KIRREL3: variants seen among roughly 807,000 people sequenced by gnomAD.
The protein encoded by KIRREL3 is kin of IRRE-like protein 3.
In KIRREL3, 36 loss-of-function variants were observed where a neutral mutation model predicts 89.7. The ratio of observed to expected loss-of-function variants is 0.40; its 90% CI spans 0.31 to 0.53. The LOEUF is 0.53. Ranked by LOEUF, KIRREL3 falls within the 20% of genes least tolerant of loss-of-function variation. KIRREL3 has a pLI of 0.49. For missense variants in KIRREL3, 864 were observed against 1,056.6 expected, an observed-to-expected ratio of 0.82 and a Z score of 2.53; for synonymous variants, 445 against 441.4, an observed-to-expected ratio of 1.01 and a Z score of -0.10.
At position 126,729,937 on chromosome 11, in the gene KIRREL3, T is replaced by A. The variant is rs1269916485; in HGVS notation, c.56-167025A>T. On this transcript the variant is annotated intron_variant, in intron 1 of 16. Transcript: ENST00000525144. This position sits in a 1 kb window ranked among gnomAD's most constrained non-coding sequence, Gnocchi z 4.5. ...TTTTCTGCCCTTCCCTTCCTTGACATTTCTGTGACATTTGGCTCTGTGACG... is the reference window on the plus strand; with the variant it reads ...TTTTCTGCCCTTCCCTTCCTTGACAATTCTGTGACATTTGGCTCTGTGACG... 6.6e-6 allele frequency among the ~76,000 whole-genome samples: 1 copy of A among 152,194 alleles called. No homozygotes were observed. Among genetic ancestry groups the A allele is most frequent in the Non-Finnish European group, 1.5e-5 (1 of 68,036 alleles).
At chr11:126,838,810 C>T (rs1192293145) in intron 1 of KIRREL3, among the ~76,000 whole-genome samples, 1 of 152,064 alleles carries the variant, frequency 6.6e-6, no homozygotes. Flanking sequence ...AATATATGAT[C>T]CATAAATAAA....
chr11:126,444,451 C>T (rs1025705794), intron 10 of KIRREL3, among the ~76,000 whole-genome samples: 2 of 152,300 alleles, frequency 1.3e-5, no homozygotes, highest in African/African-American at 4.8e-5. Flanking sequence ...ATGGTGAAAC[C>T]CTGTCTCTAC....
intron 1 of KIRREL3, among the ~76,000 whole-genome samples, chr11:126,707,380 A>G (rs1947573382): frequency 6.6e-6 from 1 of 151,778 alleles, no homozygotes; most frequent in Admixed American, 6.6e-5. Flanking sequence ...AGGGGTGAGG[A>G]AGGGATCCTG....
chr11:126,893,081 G>A (rs1945990968), intron 1 of KIRREL3, among the ~76,000 whole-genome samples: 1 of 152,208 alleles, frequency 6.6e-6, no homozygotes, highest in African/African-American at 2.4e-5. Flanking sequence ...TACAGGAGAA[G>A]AACAGTGTTC....
rs1958604109 is a variant in KIRREL3, at chr11:126,521,766, A to C, written c.284-302T>G. ...TTTGGTCTGTTTGTTAGTTTTTGAG[A>C]CAGGGTCTTGCTCTGTCACTCAGAT... On this transcript the variant is annotated intron_variant, in intron 3 of 16. Coordinates refer to ENST00000525144, the MANE Select transcript of KIRREL3 (RefSeq NM_032531.4). The surrounding 1 kb of genome is among the most constrained non-coding windows in gnomAD (Gnocchi z 4.1). Among the ~76,000 whole-genome samples the C allele has an allele frequency of 6.6e-6, 1 of 150,890 alleles. No homozygotes were observed.
chr11:126,705,662 G>C lies in KIRREL3; in HGVS notation c.56-142750C>G, dbSNP rs1400725982. Among the ~76,000 whole-genome samples, 2 of 152,172 alleles carry C rather than the reference G, an allele frequency of 1.3e-5. No individual in the cohort carries two copies. The highest frequency in any genetic ancestry group is 2.9e-5 in the Non-Finnish European group (2 of 68,048). ...AAGAATGGTCTAACACTACGTATGT[G>C]CAAGTGTATATGTATATGTAATGTA... On this transcript the variant is annotated intron_variant, in intron 1 of 16. Coordinates refer to ENST00000525144, the MANE Select transcript of KIRREL3 (RefSeq NM_032531.4). This position sits in a 1 kb window ranked among gnomAD's most constrained non-coding sequence, Gnocchi z 4.3.
chr11:126,691,856 G>A (rs1946889349), intron 1 of KIRREL3, among the ~76,000 whole-genome samples: 3 of 152,156 alleles, frequency 2.0e-5, no homozygotes, highest in Non-Finnish European at 4.4e-5. Context: ...AATGGGAAAA[G>A]GACTTGAATA....
intron 6 of KIRREL3, among the ~76,000 whole-genome samples, chr11:126,458,375 T>G (rs1278462539): frequency 6.6e-6 from 1 of 152,146 alleles, no homozygotes; most frequent in Admixed American, 6.5e-5. Context: ...TGGGCTCTGG[T>G]TGGGACTACG....
rs539542755 is a variant in KIRREL3 at position 126,642,809 on chromosome 11, A to G, written c.56-79897T>C. Reference sequence around the variant, plus strand: ...GTCCCTTCAAGGGTTATGATTTTGTATGTGCAAAATTCTGAACTGTACATC... The same window carrying G: ...GTCCCTTCAAGGGTTATGATTTTGTGTGTGCAAAATTCTGAACTGTACATC... On this transcript the variant is annotated intron_variant, in intron 1 of 16. Coordinates refer to ENST00000525144, the MANE Select transcript of KIRREL3 (RefSeq NM_032531.4). The surrounding 1 kb of genome is among the most constrained non-coding windows in gnomAD (Gnocchi z 4.9). Among the ~76,000 whole-genome samples, 2 of 152,212 alleles carry G rather than the reference A, an allele frequency of 1.3e-5. No individual in the cohort carries two copies. The highest frequency in any genetic ancestry group is 2.9e-5 in the Non-Finnish European group (2 of 68,034).
chr11:126,701,861 C>T (rs952666882), intron 1 of KIRREL3, among the ~76,000 whole-genome samples: 1 of 152,168 alleles, frequency 6.6e-6, no homozygotes. Flanking sequence ...CACAGAGGTG[C>T]CATGAAAGAT....
intron 5 of KIRREL3, among the ~76,000 whole-genome samples, chr11:126,465,516 G>A (rs1956694030): frequency 6.6e-6 from 1 of 152,290 alleles, no homozygotes; most frequent in East Asian, 1.9e-4. Context: ...CCACATTCTG[G>A]GTCCTTAATT....
chr11:126,555,744 A>T lies in KIRREL3; in HGVS notation c.133+7091T>A, dbSNP rs1591730238. Among the ~76,000 whole-genome samples, 1 of 145,614 alleles carries T rather than the reference A, an allele frequency of 6.9e-6. No homozygotes were observed. On this transcript the variant is annotated intron_variant, in intron 2 of 16. Transcript: ENST00000525144. The surrounding 1 kb of genome is among the most constrained non-coding windows in gnomAD (Gnocchi z 4.2). ...TGTAGAACATGCTAACAATGTGAGC[A>T]TTTTTTTTTTTTTTGAGACGGAGTC...
At chr11:126,444,441 A>G (rs1466675835) in intron 10 of KIRREL3, among the ~76,000 whole-genome samples, 1 of 152,210 alleles carries the variant, frequency 6.6e-6, no homozygotes, top group Non-Finnish European at 1.5e-5. Flanking sequence ...GAGACCAACA[A>G]TGGTGAAACC....
chr11:126,674,463 C>T (rs1400779753), intron 1 of KIRREL3, among the ~76,000 whole-genome samples: 1 of 152,214 alleles, frequency 6.6e-6, no homozygotes, highest in Non-Finnish European at 1.5e-5. Flanking sequence ...ATGAAGAATA[C>T]TGTTGCTCAG....
chr11:126,901,032 G>C (rs1946348823), intron 1 of KIRREL3, among the ~76,000 whole-genome samples: 1 of 151,978 alleles, frequency 6.6e-6, no homozygotes, highest in Admixed American at 6.6e-5. Context: ...TGACAAACAT[G>C]GTGAAACTTC....
In KIRREL3 at chr11:126,734,391, C is replaced by CGG. The variant is rs1948734158; in HGVS notation, c.56-171481_56-171480dup. ...TACTTAAGAAATATTTGGCCAGGCG[C>CGG]GGTGGCTCATGCATGTAATCCCAGC... On this transcript the variant is annotated intron_variant, in intron 1 of 16. Transcript: ENST00000525144. The surrounding 1 kb of genome is among the most constrained non-coding windows in gnomAD (Gnocchi z 5.9). 6.6e-6 allele frequency among the ~76,000 whole-genome samples: 1 copy of CGG among 152,130 alleles called. No individual in the cohort carries two copies. The highest frequency in any genetic ancestry group is 6.5e-5 in the Admixed American group (1 of 15,274).
At chr11:126,595,738 G>T (rs1204138082) in intron 1 of KIRREL3, among the ~76,000 whole-genome samples, 2 of 152,148 alleles carry the variant, frequency 1.3e-5, no homozygotes, top group African/African-American at 2.4e-5. Flanking sequence ...AGGCCACACC[G>T]CCCCCTTAGG....
rs898385995 is a variant in KIRREL3 at position 126,558,134 on chromosome 11, C to T, written c.133+4701G>A. On this transcript the variant is annotated intron_variant, in intron 2 of 16. Coordinates refer to ENST00000525144, the MANE Select transcript of KIRREL3 (RefSeq NM_032531.4). The surrounding 1 kb of genome is among the most constrained non-coding windows in gnomAD (Gnocchi z 4.0). ...TGTGAGGGAGGAGTACCCTCCTGTG[C>T]AGGCCCCCCTCTGCCCCAAGGGGAT... is the stretch of plus-strand genomic sequence containing the variant. 6.6e-6 allele frequency among the ~76,000 whole-genome samples: 1 copy of T among 152,206 alleles called. No individual in the cohort carries two copies. The highest frequency in any genetic ancestry group is 6.5e-5 in the Admixed American group (1 of 15,288).
rs1018812795 is a variant in KIRREL3, at chr11:126,555,174, T to G, written c.133+7661A>C. The stretch of plus-strand genomic sequence containing the variant: ...TGCTGTGGGGCCGCACAGAGCCTGC[T>G]TCTGCCAGAGATGAGTGACTGGCCG... On this transcript the variant is annotated intron_variant, in intron 2 of 16. Transcript: ENST00000525144. This position sits in a 1 kb window ranked among gnomAD's most constrained non-coding sequence, Gnocchi z 4.2. 5.3e-5 allele frequency among the ~76,000 whole-genome samples: 8 copies of G among 152,326 alleles called. No homozygotes were observed. The highest frequency in any genetic ancestry group is 1.9e-4 in the African/African-American group (8 of 41,574).
Sources: gnomAD v4.1 joint callset for allele counts (sites outside exome capture counted in the v4.1 genomes callset) on GRCh38, gnomAD v4.1.1 for gene constraint, Gnocchi (gnomAD v3.1) non-coding constraint, MANE v1.5 for transcripts, NCBI Gene and HGNC (gene_info 2026-07-23, HGNC 2026-07-21) for gene names.